KANSL1: variants seen among roughly 807,000 people sequenced by gnomAD.
KANSL1 encodes the protein KAT8 regulatory NSL complex subunit 1.
In KANSL1, 22 loss-of-function variants were observed where a neutral mutation model predicts 103.6. The ratio of observed to expected loss-of-function variants is 0.21; its 90% CI spans 0.15 to 0.30. The LOEUF is 0.30. KANSL1 is among the 10% of genes least tolerant of loss of function. The pLI is 1.00. For synonymous variants in KANSL1, 600 were observed against 527.6 expected (o/e 1.14, Z -1.88); for missense variants, 1,337 against 1,399.8 (o/e 0.96, Z 0.72).
intron 2 of KANSL1, among the ~76,000 whole-genome samples, chr17:46,105,931 ACACACACACACACACAC>A (rs2042532205): frequency 3.7e-5 from 4 of 107,310 alleles, no homozygotes; most frequent in South Asian, 5.8e-4. Context: ...ACACACACAC[ACACACACACACACACAC>A]CCCCCCAGAA....
chr17:46,034,390 C>T, intron 10 of KANSL1, 105 bp from the exon 11 acceptor site: 1 of 1,331,526 alleles, frequency 7.5e-7, no homozygotes, highest in Non-Finnish European at 1.1e-6. Flanking sequence ...CATCTGGGTC[C>T]TTGGGTTGAA....
At chr17:46,037,006 T>C (rs62062133) in intron 10 of KANSL1, among the ~76,000 whole-genome samples, 21,743 of 152,192 alleles carry the variant, frequency 0.14, 2,102 homozygotes, top group Non-Finnish European at 0.22. Flanking sequence ...AGCGCCACTG[T>C]GCCTGGCCTA....
At chr17:46,111,375 A>AT (rs1490633660) in intron 2 of KANSL1, among the ~76,000 whole-genome samples, 8 of 152,112 alleles carry the variant, frequency 5.3e-5, no homozygotes, top group African/African-American at 1.9e-4. Context: ...AGCCCAGCTA[A>AT]TTTTTTGTAT....
chr17:46,179,492 G>T (rs1192515947), intron 1 of KANSL1, among the ~76,000 whole-genome samples: 3 of 152,210 alleles, frequency 2.0e-5, no homozygotes, highest in Non-Finnish European at 4.4e-5. Context: ...GCAAAAATCA[G>T]ATGGGGAAGA....
intron 2 of KANSL1, among the ~76,000 whole-genome samples, chr17:46,147,572 TAAAAAAAAA>T (rs10717937): frequency 3.9e-5 from 4 of 103,068 alleles, no homozygotes; most frequent in African/African-American, 1.3e-4. Context: ...TGAGACTCTT[TAAAAAAAAA>T]AAAAAAAAAA....
intron 7 of KANSL1, among the ~76,000 whole-genome samples, chr17:46,048,425 C>A (rs2077590821): frequency 6.6e-6 from 1 of 151,816 alleles, no homozygotes; most frequent in Non-Finnish European, 1.5e-5. Flanking sequence ...AAAAAATTAG[C>A]CAGGCGTGGT....
chr17:46,065,659 C>T (rs2078352063), intron 6 of KANSL1, among the ~76,000 whole-genome samples: 1 of 152,114 alleles, frequency 6.6e-6, no homozygotes, highest in African/African-American at 2.4e-5. Flanking sequence ...GATTCAAACC[C>T]AAGGTTATCA....
chr17:46,190,433 CG>C (rs1848704311), intron 1 of KANSL1, among the ~76,000 whole-genome samples: 1 of 152,168 alleles, frequency 6.6e-6, no homozygotes, highest in Admixed American at 6.5e-5. Flanking sequence ...AAGTCAAATA[CG>C]AATGTTCTGA....
intron 2 of KANSL1, among the ~76,000 whole-genome samples, chr17:46,150,393 T>C (rs991890280): frequency 2.6e-5 from 4 of 152,186 alleles, no homozygotes; most frequent in Admixed American, 1.3e-4. Context: ...TGGCACTTAA[T>C]CTGTATCTTT....
chr17:46,196,248 GA>G, upstream of KANSL1: 1 of 445,530 alleles, frequency 2.2e-6, no homozygotes, highest in Non-Finnish European at 4.5e-6. Flanking sequence ...AATGAAAAGT[GA>G]TAAAAAAATA....
In KANSL1 at chr17:46,050,655, C is replaced by G; in HGVS notation, c.1898G>C (p.Cys633Ser). 6.2e-7 allele frequency: 1 copy of G among 1,614,178 alleles called. No individual in the cohort carries two copies. Among genetic ancestry groups the G allele is most frequent in the Non-Finnish European group, 8.5e-7 (1 of 1,180,020 alleles). The change falls in exon 7 of 15, where the codon TGC (cysteine) becomes TCC (serine). Residue 633 changes from cysteine (C) to serine (S), a missense_variant. Physicochemically the swap from Cys to Ser is moderately radical, Grantham distance 112. Transcript: ENST00000432791. Reference protein sequence around the residue: ...IRPGCDVNPSCALCGSGSINT... With the variant: ...IRPGCDVNPSSALCGSGSINT... ...GATGCTGCCTGAACCACACAGTGCG[C>G]AGGAGGGATTCACATCACAGCCAGG...
rs375206226 is a variant in KANSL1, at chr17:46,039,253, C to T, written c.2204-38G>A. 8.2e-5 allele frequency: 124 copies of T among 1,508,192 alleles called. 1 individual carries two copies. The highest frequency in any genetic ancestry group is 8.1e-4 in the Middle Eastern group (4 of 4,918). The allele number at this position is 1,508,192 out of a possible 1,614,324, so 93.4% of individuals were successfully genotyped here. On this transcript the variant is annotated intron_variant, in intron 8 of 14. Transcript: ENST00000432791. The stretch of plus-strand genomic sequence containing the variant: ...ACAGAAAAAGAGCTGTGAAATATGT[C>T]CTCTCAAATATTTTCTTATTCGAGT...
At chr17:46,065,343 ATTTCATAGGGTAAGCAC>A (rs1470671637) in intron 6 of KANSL1, among the ~76,000 whole-genome samples, 4 of 152,210 alleles carry the variant, frequency 2.6e-5, no homozygotes, top group Admixed American at 6.5e-5. Context: ...CAACTAGAAT[ATTTCATAGGGTAAGCAC>A]TTTTGTCTGT....
intron 2 of KANSL1, among the ~76,000 whole-genome samples, chr17:46,154,921 A>G (rs1017983694): frequency 2.6e-5 from 4 of 152,308 alleles, no homozygotes; most frequent in South Asian, 2.1e-4. Context: ...CTGGCCTCCT[A>G]AAGTACTGGG....
chr17:46,091,442 T>C (rs1043406130), intron 3 of KANSL1, among the ~76,000 whole-genome samples: 11 of 152,166 alleles, frequency 7.2e-5, no homozygotes, highest in African/African-American at 2.4e-4. Flanking sequence ...ATAAATGTAG[T>C]GTAGCCTCGG....
intron 6 of KANSL1, among the ~76,000 whole-genome samples, chr17:46,055,570 G>A (rs2077895912): frequency 1.3e-5 from 2 of 152,024 alleles, no homozygotes; most frequent in African/African-American, 4.8e-5. Flanking sequence ...TAAAGATATT[G>A]ATATTCTACA....
intron 2 of KANSL1, among the ~76,000 whole-genome samples, chr17:46,166,834 A>G (rs1016986918): frequency 6.6e-6 from 1 of 152,240 alleles, no homozygotes; most frequent in Admixed American, 6.5e-5. Context: ...CTAAAAGCTT[A>G]GACAAACATA....
chr17:46,129,659 A>C (rs1350799710), intron 2 of KANSL1, among the ~76,000 whole-genome samples: 1 of 152,240 alleles, frequency 6.6e-6, no homozygotes, highest in Non-Finnish European at 1.5e-5. Flanking sequence ...AAGTCTGTTA[A>C]AGGGAAGATT....
chr17:46,065,998 C>A (rs936312984), intron 6 of KANSL1, among the ~76,000 whole-genome samples: 1 of 152,112 alleles, frequency 6.6e-6, no homozygotes, highest in Non-Finnish European at 1.5e-5. Context: ...ATAGCTGGGA[C>A]TACAGGTGTG....
Sources: gnomAD v4.1 joint callset for allele counts (sites outside exome capture counted in the v4.1 genomes callset) on GRCh38, gnomAD v4.1.1 for gene constraint, MANE v1.5 for transcripts, NCBI Gene and HGNC (gene_info 2026-07-23, HGNC 2026-07-21) for gene names.